The following PANX1 variants were observed in gnomAD, a reference collection of about 807,000 sequenced individuals.
PANX1 encodes pannexin 1.
In PANX1, 30 loss-of-function variants were observed where a neutral mutation model predicts 38.7. The observed-to-expected ratio is 0.78, with a 90% confidence interval of 0.58 to 1.05. The LOEUF (loss-of-function observed/expected upper bound fraction) is 1.05, where lower values mean the gene tolerates loss of function less well. Ranked by LOEUF, PANX1 falls within the 50% of genes least tolerant of loss-of-function variation. The probability of loss-of-function intolerance (pLI) is 0.00; values close to 1 mark genes in which losing one functional copy is unlikely to be tolerated. For missense variants in PANX1, 551 were observed against 517.2 expected (o/e 1.07, Z -0.63); for synonymous variants, 230 against 212.2 (o/e 1.08, Z -0.73).
At position 94,153,559 on chromosome 11, in the gene PANX1, T is replaced by G; in HGVS notation, c.250T>G (p.Cys84Gly). ...TCAGGCTGCCTTTGTGGATTCATATTGCTGGGCGGCTGTTCAGCAGAAGAA... is the reference window on the plus strand; with the variant it reads ...TCAGGCTGCCTTTGTGGATTCATATGGCTGGGCGGCTGTTCAGCAGAAGAA... ...WRQAAFVDSYCWAAVQQKNSL... is the reference protein window; with the variant it reads ...WRQAAFVDSYGWAAVQQKNSL... Residue 84 changes from cysteine to glycine, a missense_variant, in exon 2 of 5, where the codon TGC becomes GGC. By Grantham distance (159) the Cys-to-Gly change is radical. Transcript: ENST00000227638. 1 of 1,614,118 alleles carries G rather than the reference T, an allele frequency of 6.2e-7. No individual in the cohort carries two copies. The highest frequency in any genetic ancestry group is 8.5e-7 in the Non-Finnish European group (1 of 1,179,974).
At chr11:94,158,187 C>T (rs1044040427) in intron 2 of PANX1, among the ~76,000 whole-genome samples, 1 of 152,164 alleles carries the variant, frequency 6.6e-6, no homozygotes, top group Non-Finnish European at 1.5e-5. Context: ...AGCATGATGC[C>T]TCCAGCTTAG....
At chr11:94,137,688 A>AG (rs1946711209) in intron 1 of PANX1, among the ~76,000 whole-genome samples, 1 of 148,730 alleles carries the variant, frequency 6.7e-6, no homozygotes, top group East Asian at 2.0e-4. Flanking sequence ...GGTGGTGGGG[A>AG]GGGGACGCTG....
chr11:94,150,450 C>T (rs916413862), intron 1 of PANX1, among the ~76,000 whole-genome samples: 1 of 152,178 alleles, frequency 6.6e-6, no homozygotes, highest in Admixed American at 6.5e-5. Context: ...TGTTTACCTC[C>T]CAATATTATC....
chr11:94,155,204 A>G (rs1946934640), intron 2 of PANX1, among the ~76,000 whole-genome samples: 1 of 152,116 alleles, frequency 6.6e-6, no homozygotes, highest in Admixed American at 6.5e-5. Context: ...TACAAAAATT[A>G]GCTGGGTGTG....
chr11:94,131,580 G>A (rs1194023930), intron 1 of PANX1, among the ~76,000 whole-genome samples: 1 of 152,198 alleles, frequency 6.6e-6, no homozygotes, highest in African/African-American at 2.4e-5. Flanking sequence ...GGCTGGTGAA[G>A]GTTGGCAGGC....
intron 1 of PANX1, among the ~76,000 whole-genome samples, chr11:94,144,230 C>T (rs1178692129): frequency 6.6e-6 from 1 of 152,116 alleles, no homozygotes; most frequent in East Asian, 1.9e-4. Flanking sequence ...TTCTCCCTCC[C>T]CCATTTTTTT....
chr11:94,150,637 G>T (rs1946872608), intron 1 of PANX1, among the ~76,000 whole-genome samples: 1 of 152,008 alleles, frequency 6.6e-6, no homozygotes, highest in Non-Finnish European at 1.5e-5. Context: ...GCCCAGCTGT[G>T]CCGGTCCCCT....
At chr11:94,138,474 T>G (rs558981310) in intron 1 of PANX1, among the ~76,000 whole-genome samples, 38 of 152,328 alleles carry the variant, frequency 2.5e-4, no homozygotes, top group African/African-American at 8.9e-4. Flanking sequence ...GTCCGTTTCC[T>G]TTGAATTCTG....
In PANX1 at chr11:94,174,568, C is replaced by T. The variant is rs575857689; in HGVS notation, c.322-3801C>T. On this transcript the variant is annotated intron_variant, in intron 2 of 4. Coordinates refer to ENST00000227638, the MANE Select transcript of PANX1 (RefSeq NM_015368.4). Reference sequence around the variant, plus strand: ...CTGTTCCCTCAGTGCTTAGTACCTACATGTTTTGATGATTTAATTATCAGC... The same window carrying T: ...CTGTTCCCTCAGTGCTTAGTACCTATATGTTTTGATGATTTAATTATCAGC... 7.8e-4 allele frequency among the ~76,000 whole-genome samples: 119 copies of T among 151,802 alleles called. No individual in the cohort carries two copies. In the South Asian group the frequency reaches 0.024, roughly 30 times the overall value.
intron 2 of PANX1, among the ~76,000 whole-genome samples, chr11:94,155,324 T>TGG (rs1261437477): frequency 3.7e-5 from 5 of 135,874 alleles, no homozygotes; most frequent in African/African-American, 1.4e-4. Context: ...CACTCCAGCC[T>TGG]GGGGAACAAG....
At chr11:94,174,780 C>T (rs1286164704) in intron 2 of PANX1, among the ~76,000 whole-genome samples, 2 of 151,636 alleles carry the variant, frequency 1.3e-5, no homozygotes, top group Non-Finnish European at 2.9e-5. Context: ...TTGTTCAGTC[C>T]GAATTGGATG....
chr11:94,156,485 T>C (rs929033563), intron 2 of PANX1, among the ~76,000 whole-genome samples: 1 of 152,142 alleles, frequency 6.6e-6, no homozygotes, highest in Admixed American at 6.5e-5. Context: ...TGGCATTTGG[T>C]TGGGACTCTG....
Position 94,144,519 on chromosome 11 carries a change from G to T in PANX1, c.182-8972G>T, listed in dbSNP as rs531089118. On this transcript the variant is annotated intron_variant, in intron 1 of 4. Coordinates refer to ENST00000227638, the MANE Select transcript of PANX1 (RefSeq NM_015368.4). ...CACAGAGTAGCCTTAGGCGCTCTGG[G>T]TGGGGTTCTCACACTCCAGCCATTG... Among the ~76,000 whole-genome samples the T allele has an allele frequency of 7.2e-5, 11 of 152,246 alleles. 1 individual carries two copies. Among genetic ancestry groups the T allele is most frequent in the Admixed American group, 5.9e-4 (9 of 15,312 alleles).
At chr11:94,138,074 A>G (rs1946721931) in intron 1 of PANX1, among the ~76,000 whole-genome samples, 1 of 151,998 alleles carries the variant, frequency 6.6e-6, no homozygotes, top group Non-Finnish European at 1.5e-5. Flanking sequence ...AAGTGATTGT[A>G]TAATTCTAAT....
intron 1 of PANX1, among the ~76,000 whole-genome samples, chr11:94,136,806 G>A (rs987398724): frequency 6.6e-6 from 1 of 152,244 alleles, no homozygotes; most frequent in South Asian, 2.1e-4. Context: ...GAAGTATTAG[G>A]CAGCTCTCAC....
chr11:94,146,729 C>T (rs1004403282), intron 1 of PANX1, among the ~76,000 whole-genome samples: 1 of 152,140 alleles, frequency 6.6e-6, no homozygotes, highest in Non-Finnish European at 1.5e-5. Context: ...ATTAGGGTCG[C>T]AAATGACAGA....
chr11:94,168,821 A>AAGT (rs1947131467), intron 2 of PANX1, among the ~76,000 whole-genome samples: 1 of 151,686 alleles, frequency 6.6e-6, no homozygotes, highest in African/African-American at 2.4e-5. Flanking sequence ...TGGAGGTGGG[A>AAGT]AGTGCATCTT....
At chr11:94,180,372 A>C in intron 4 of PANX1, 115 bp downstream of exon 4, 1 of 919,966 alleles carries the variant, frequency 1.1e-6, no homozygotes, top group Non-Finnish European at 1.6e-6. Flanking sequence ...TCCAAGCATT[A>C]AAAACCTTAA....
chr11:94,165,517 G>C (rs1375931396), intron 2 of PANX1, among the ~76,000 whole-genome samples: 1 of 152,010 alleles, frequency 6.6e-6, no homozygotes, highest in Non-Finnish European at 1.5e-5. Context: ...AAAATTCTCA[G>C]CTTTTTATTT....
Sources: allele counts gnomAD v4.1 joint callset (sites outside exome capture counted in the v4.1 genomes callset), GRCh38; gene constraint gnomAD v4.1.1; transcripts MANE v1.5; gene names NCBI Gene and HGNC (gene_info 2026-07-23, HGNC 2026-07-21).